Variants in TANK observed in about 807,000 individuals in gnomAD.
The protein encoded by TANK is TRAF family member associated NFKB activator, also known as TRAF family member-associated NF-kappa-B activator.
TANK carries 15 observed loss-of-function variants against 43.6 expected under a neutral mutation model. The ratio of observed to expected loss-of-function variants is 0.34; its 90% CI spans 0.23 to 0.53. The LOEUF (loss-of-function observed/expected upper bound fraction) is 0.53, where lower values mean the gene tolerates loss of function less well. Among genes scored for constraint, TANK ranks in the 20% least tolerant of loss-of-function variants. The pLI is 0.94. For synonymous variants in TANK, 162 were observed against 178.2 expected (o/e 0.91, Z 0.73); for missense variants, 417 against 498.6 (o/e 0.84, Z 1.56).
chr2:161,203,389 A>G lies in TANK; in HGVS notation c.100-98A>G, dbSNP rs924716440. On this transcript the variant is annotated intron_variant, in intron 2 of 7. Transcript: ENST00000392749. ...AAATCACAATACCTGCAAAATGACA[A>G]TGTGGGCAACTCATATCTATTTATA... The G allele has an allele frequency of 2.3e-5, 17 of 744,704 alleles. No homozygotes were observed. The African/African-American group carries it at 2.9e-4, about 13-fold the overall frequency. 46.1% of individuals were successfully genotyped at this position (744,704 alleles called of 1,614,324 possible). A position where few individuals can be genotyped will look rare whatever the true frequency, so the allele number is the denominator to read the frequency against.
chr2:161,151,217 T>C (rs1267066), intron 1 of TANK, among the ~76,000 whole-genome samples: 125,247 of 152,090 alleles, frequency 0.82, 51,710 homozygotes, highest in East Asian at 1. Context: ...GGAGAAGATT[T>C]CATATCCACT....
At chr2:161,138,863 C>T (rs1683662242) in intron 1 of TANK, among the ~76,000 whole-genome samples, 1 of 152,196 alleles carries the variant, frequency 6.6e-6, no homozygotes, top group Non-Finnish European at 1.5e-5. Context: ...AGCATAGAAA[C>T]TTCCTGCCTG....
chr2:161,224,557 C>T (rs1687514812), intron 5 of TANK, 74 bp from the exon 6 acceptor site: 1 of 560,510 alleles, frequency 1.8e-6, no homozygotes, highest in Non-Finnish European at 3.0e-6. Flanking sequence ...TAAAATGGTA[C>T]TACATAAGTT....
chr2:161,210,692 C>T (rs1276869466), intron 4 of TANK, among the ~76,000 whole-genome samples: 2 of 144,480 alleles, frequency 1.4e-5, no homozygotes, highest in African/African-American at 5.1e-5. Flanking sequence ...AGTGAAACTC[C>T]GTCTAAAAAA....
At position 161,170,080 on chromosome 2, in the gene TANK, G is replaced by A. The variant is rs578060203; in HGVS notation, c.-49-9534G>A. 6.6e-3 allele frequency among the ~76,000 whole-genome samples: 1,008 copies of A among 152,180 alleles called. 5 individuals carry two copies. The highest frequency in any genetic ancestry group is 0.011 in the Non-Finnish European group (721 of 67,994). On this transcript the variant is annotated intron_variant, in intron 1 of 7. Coordinates refer to ENST00000392749, the MANE Select transcript of TANK (RefSeq NM_001199135.3). ...TATCCATGACTCTTTGTGCCTCTTTGAATTAAAGGCATGTCTTTGAGATCT... is the reference window on the plus strand; with the variant it reads ...TATCCATGACTCTTTGTGCCTCTTTAAATTAAAGGCATGTCTTTGAGATCT...
chr2:161,221,075 A>C (rs184727580), intron 4 of TANK, among the ~76,000 whole-genome samples: 1 of 152,312 alleles, frequency 6.6e-6, no homozygotes, highest in East Asian at 1.9e-4. Context: ...ACATCTTCCA[A>C]CTGTTTCAGA....
chr2:161,195,588 C>T (rs1462107910), intron 2 of TANK, among the ~76,000 whole-genome samples: 1 of 151,778 alleles, frequency 6.6e-6, no homozygotes, highest in Non-Finnish European at 1.5e-5. Flanking sequence ...TAAGGACTTT[C>T]GGTTCTTTAT....
At chr2:161,189,522 A>G (rs1392140166) in intron 2 of TANK, among the ~76,000 whole-genome samples, 1 of 152,186 alleles carries the variant, frequency 6.6e-6, no homozygotes, top group Non-Finnish European at 1.5e-5. Flanking sequence ...TCACCATAGT[A>G]CTGAAAGTCC....
At chr2:161,205,642 A>C (rs1471373972) in intron 4 of TANK, among the ~76,000 whole-genome samples, 3 of 152,196 alleles carry the variant, frequency 2.0e-5, no homozygotes, top group Non-Finnish European at 2.9e-5. Flanking sequence ...CAATAATAGA[A>C]TAGTCCATCT....
At chr2:161,178,007 G>A (rs1406845252) in intron 1 of TANK, among the ~76,000 whole-genome samples, 1 of 151,926 alleles carries the variant, frequency 6.6e-6, no homozygotes, top group African/African-American at 2.4e-5. Context: ...TTTTTTAAGT[G>A]GACTATAAGA....
At chr2:161,150,554 A>G (rs770851541) in intron 1 of TANK, among the ~76,000 whole-genome samples, 36 of 144,468 alleles carry the variant, frequency 2.5e-4, no homozygotes, top group Non-Finnish European at 4.9e-4. Flanking sequence ...TCCTTGAGGT[A>G]TAAAGTTAGA....
chr2:161,215,076 T>C (rs569818251), intron 4 of TANK, among the ~76,000 whole-genome samples: 32 of 152,292 alleles, frequency 2.1e-4, no homozygotes, highest in Non-Finnish European at 3.7e-4. Flanking sequence ...GATTCTTGTA[T>C]TCCTGACATG....
chr2:161,139,126 G>T (rs1683670853), intron 1 of TANK, among the ~76,000 whole-genome samples: 1 of 152,090 alleles, frequency 6.6e-6, no homozygotes, highest in African/African-American at 2.4e-5. Flanking sequence ...TAATTAACAT[G>T]TGATGCCTAG....
chr2:161,151,134 G>A (rs535763225), intron 1 of TANK, among the ~76,000 whole-genome samples: 1 of 152,276 alleles, frequency 6.6e-6, no homozygotes, highest in African/African-American at 2.4e-5. Flanking sequence ...TTTGGTTGGA[G>A]AAGATACTTT....
At chr2:161,177,108 A>G (rs1235734849) in intron 1 of TANK, among the ~76,000 whole-genome samples, 1 of 152,078 alleles carries the variant, frequency 6.6e-6, no homozygotes, top group East Asian at 1.9e-4. Context: ...TTATGTTTCC[A>G]TAGTGTCTAT....
chr2:161,142,723 A>G (rs1683787386), intron 1 of TANK, among the ~76,000 whole-genome samples: 1 of 152,162 alleles, frequency 6.6e-6, no homozygotes, highest in South Asian at 2.1e-4. Flanking sequence ...TGGTTACTGT[A>G]GCCTTATAGT....
chr2:161,208,980 C>T (rs148387410), intron 4 of TANK, among the ~76,000 whole-genome samples: 13 of 152,218 alleles, frequency 8.5e-5, no homozygotes, highest in Non-Finnish European at 1.8e-4. Context: ...TTGTGGTGTA[C>T]AGAAGAGGAT....
intron 2 of TANK, among the ~76,000 whole-genome samples, chr2:161,187,406 A>T (rs773388141): frequency 3.3e-5 from 5 of 152,170 alleles, no homozygotes; most frequent in Admixed American, 6.6e-5. Flanking sequence ...TCCAGCCTAG[A>T]TGACAGAGCA....
intron 2 of TANK, among the ~76,000 whole-genome samples, chr2:161,194,398 T>G (rs577643738): frequency 8.5e-5 from 13 of 152,200 alleles, no homozygotes; most frequent in African/African-American, 3.1e-4. Context: ...CTAAAATTAT[T>G]CAGATGCTAT....
Sources: gnomAD v4.1 joint callset for allele counts (sites outside exome capture counted in the v4.1 genomes callset) on GRCh38, gnomAD v4.1.1 for gene constraint, MANE v1.5 for transcripts, NCBI Gene and HGNC (gene_info 2026-07-23, HGNC 2026-07-21) for gene names.